Variants in NHERF1 observed in about 807,000 individuals in gnomAD.
The protein encoded by NHERF1 is NHERF family PDZ scaffold protein 1.
At chr17:74,763,417 C>A in the NHERF1 span, 1 of 1,614,130 alleles carries the variant, frequency 6.2e-7, no homozygotes, top group Non-Finnish European at 8.5e-7. Flanking sequence ...TGGTGTCCGC[C>A]ATCAGGGCTG....
the NHERF1 span, among the ~76,000 whole-genome samples, chr17:74,757,319 C>T: frequency 6.6e-6 from 1 of 152,134 alleles, no homozygotes; most frequent in Non-Finnish European, 1.5e-5. Flanking sequence ...AGGAAGAGAT[C>T]AAGGGCTAGG....
At chr17:74,765,324 G>A in the NHERF1 span, among the ~76,000 whole-genome samples, 1 of 150,594 alleles carries the variant, frequency 6.6e-6, no homozygotes, top group Non-Finnish European at 1.5e-5. Flanking sequence ...GCAGTGGTGC[G>A]ATCTCGGCTC....
the NHERF1 span, chr17:74,768,432 T>C: frequency 1.9e-6 from 3 of 1,609,326 alleles, no homozygotes; most frequent in Non-Finnish European, 2.6e-6. Flanking sequence ...AATGAGGGAC[T>C]GACTCCCAAC....
chr17:74,750,735 T>G, the NHERF1 span, among the ~76,000 whole-genome samples: 1 of 151,396 alleles, frequency 6.6e-6, no homozygotes, highest in African/African-American at 2.4e-5. Context: ...TTTTTTTTTT[T>G]TTTTTGGACT....
At chr17:74,757,749 C>CA in the NHERF1 span, among the ~76,000 whole-genome samples, 10 of 152,202 alleles carry the variant, frequency 6.6e-5, no homozygotes, top group Non-Finnish European at 1.2e-4. Context: ...ACACACACCC[C>CA]AGCCCCTGAG....
At chr17:74,748,778 AGGGCT>A in the NHERF1 span, 1 of 1,358,458 alleles carries the variant, frequency 7.4e-7, no homozygotes, top group Admixed American at 2.1e-5. This position sits in a 1 kb window ranked among gnomAD's most constrained non-coding sequence, Gnocchi z 4.3. Flanking sequence ...GACGGGAAGA[AGGGCT>A]GGGCCGTCCC....
chr17:74,755,125 C>T, the NHERF1 span, among the ~76,000 whole-genome samples: 1 of 152,216 alleles, frequency 6.6e-6, no homozygotes, highest in Non-Finnish European at 1.5e-5. Flanking sequence ...TGCTTGAAGC[C>T]TGACTCTGCC....
the NHERF1 span, among the ~76,000 whole-genome samples, chr17:74,759,136 A>G: frequency 6.6e-6 from 1 of 152,280 alleles, no homozygotes; most frequent in East Asian, 1.9e-4. Flanking sequence ...GGTGCATCGG[A>G]GCTGTCTAAA....
chr17:74,756,201 G>A, the NHERF1 span, among the ~76,000 whole-genome samples: 8 of 149,970 alleles, frequency 5.3e-5, no homozygotes, highest in South Asian at 2.1e-4. Context: ...CACTTGCCTC[G>A]TCCTCCCAAA....
the NHERF1 span, among the ~76,000 whole-genome samples, chr17:74,755,102 C>T: frequency 6.6e-6 from 1 of 152,220 alleles, no homozygotes; most frequent in Non-Finnish European, 1.5e-5. Flanking sequence ...CATTTGGCCA[C>T]ATGAGTAGGC....
At chr17:74,759,436 A>T in the NHERF1 span, among the ~76,000 whole-genome samples, 6 of 152,204 alleles carry the variant, frequency 3.9e-5, no homozygotes, top group African/African-American at 1.4e-4. Context: ...AGCCCACAGC[A>T]CAGAGACCAG....
chr17:74,761,675 C>G, the NHERF1 span, among the ~76,000 whole-genome samples: 11 of 150,918 alleles, frequency 7.3e-5, no homozygotes, highest in Non-Finnish European at 1.3e-4. The surrounding 1 kb of genome is among the most constrained non-coding windows in gnomAD (Gnocchi z 4.3). Context: ...GATAGAGGCC[C>G]GATCAACACA....
the NHERF1 span, chr17:74,763,545 G>C: frequency 6.4e-7 from 1 of 1,565,050 alleles, no homozygotes; most frequent in Non-Finnish European, 8.7e-7. Context: ...GCCACTGGCC[G>C]TCCTGGGGCT....
chr17:74,769,126 A>G, the NHERF1 span: 2 of 178,380 alleles, frequency 1.1e-5, no homozygotes, highest in African/African-American at 4.8e-5. Context: ...TTTTGTTAAG[A>G]GTGCAGTATT....
At chr17:74,756,273 C>CTTTTTTTTTTTTTTTTTTTTTT in the NHERF1 span, among the ~76,000 whole-genome samples, 2 of 71,992 alleles carry the variant, frequency 2.8e-5, no homozygotes, top group Admixed American at 4.2e-4. Flanking sequence ...TTCTTTCTTT[C>CTTTTTTTTTTTTTTTTTTTTTT]TTTTTTTTTT....
the NHERF1 span, among the ~76,000 whole-genome samples, chr17:74,766,625 T>C: frequency 6.6e-6 from 1 of 152,104 alleles, no homozygotes; most frequent in African/African-American, 2.4e-5. Flanking sequence ...GTCATCAAAA[T>C]GGCAAACGTA....
At chr17:74,753,045 C>T in the NHERF1 span, among the ~76,000 whole-genome samples, 3 of 152,186 alleles carry the variant, frequency 2.0e-5, no homozygotes, top group Admixed American at 6.5e-5. Context: ...TCTTTCTTGC[C>T]TGCTAGCAGC....
chr17:74,761,129 CTG>C, the NHERF1 span, among the ~76,000 whole-genome samples: 1 of 152,204 alleles, frequency 6.6e-6, no homozygotes, highest in African/African-American at 2.4e-5. The surrounding 1 kb of genome is among the most constrained non-coding windows in gnomAD (Gnocchi z 4.3). Context: ...ATGTTGGAAA[CTG>C]TTTTCAGCTG....
At chr17:74,768,061 G>A in the NHERF1 span, 18 of 926,126 alleles carry the variant, frequency 1.9e-5, no homozygotes, top group Non-Finnish European at 3.1e-5. Context: ...TCAGTCTGAG[G>A]CCCCTACTTC....
Sources: gnomAD v4.1 joint callset for allele counts (sites outside exome capture counted in the v4.1 genomes callset) on GRCh38, gnomAD v4.1.1 for gene constraint, Gnocchi (gnomAD v3.1) non-coding constraint, MANE v1.5 for transcripts, NCBI Gene and HGNC (gene_info 2026-07-23, HGNC 2026-07-21) for gene names.